EMP2: variants seen among roughly 807,000 people sequenced by gnomAD.
The protein encoded by EMP2 is epithelial membrane protein 2.
EMP2 carries 19 observed loss-of-function variants against 13.7 expected under a neutral mutation model. The observed-to-expected ratio is 1.38, with a 90% confidence interval of 0.97 to 2.03. The LOEUF is 2.03. Among genes scored for constraint, EMP2 ranks in the 30% most tolerant of loss-of-function variants. The probability of loss-of-function intolerance (pLI) is 0.00; values close to 1 mark genes in which losing one functional copy is unlikely to be tolerated. For synonymous variants in EMP2, 97 were observed against 84.7 expected (o/e 1.15, Z -0.80); for missense variants, 253 against 220.7 (o/e 1.15, Z -0.93).
intron 1 of EMP2, among the ~76,000 whole-genome samples, chr16:10,574,343 C>T (rs946581940): frequency 2.6e-5 from 4 of 152,138 alleles, no homozygotes; most frequent in African/African-American, 9.7e-5. Flanking sequence ...ATTGGATATT[C>T]TATTCCAATA....
chr16:10,532,938 G>A lies in EMP2; in HGVS notation c.471C>T (p.Gly157=), dbSNP rs772359169. 5.6e-6 allele frequency: 9 copies of A among 1,601,142 alleles called. No homozygotes were observed. The South Asian group carries it at 9.0e-5, about 16-fold the overall frequency. ...GCTTCCTCAGTATCAGGTACATCATGCCGCTGATGAAGGTGCAGGCGAAGG... is the reference window on the plus strand; with the variant it reads ...GCTTCCTCAGTATCAGGTACATCATACCGCTGATGAAGGTGCAGGCGAAGG... ...WVAFACTFIS[G]MMYLILRKRK The change falls in exon 5 of 5, where the codon GGC becomes GGT. Residue 157 remains glycine, a synonymous_variant. Coordinates refer to ENST00000359543, the MANE Select transcript of EMP2 (RefSeq NM_001424.6).
intron 1 of EMP2, among the ~76,000 whole-genome samples, chr16:10,563,187 A>T (rs970989874): frequency 2.6e-5 from 2 of 77,696 alleles, no homozygotes; most frequent in South Asian, 2.5e-4. Context: ...TTTCCTCTTT[A>T]TTATTATTAT....
chr16:10,573,523 T>C (rs556736403), intron 1 of EMP2, among the ~76,000 whole-genome samples: 10 of 152,198 alleles, frequency 6.6e-5, no homozygotes, highest in Non-Finnish European at 1.5e-4. Context: ...GGTCCATCCA[T>C]GGAGTCTCTG....
rs1361953169 is a variant in EMP2 at position 10,532,766 on chromosome 16, T to C, written c.*139A>G. On this transcript the variant is annotated 3_prime_UTR_variant, in exon 5 of 5. Transcript: ENST00000359543. ...TTTTTTTTTTCTTTTTTCTTTTTTT[T>C]TTTTTTTTTTTTTTTTTTTTGGCTT... 190 of 266,146 alleles carry C rather than the reference T, an allele frequency of 7.1e-4. 20 individuals carry two copies. Among genetic ancestry groups the C allele is most frequent in the African/African-American group, 4.1e-3 (143 of 34,798 alleles). 16.5% of individuals were successfully genotyped at this position (266,146 alleles called of 1,614,324 possible).
At chr16:10,558,010 TTG>T (rs1194057690) in intron 1 of EMP2, among the ~76,000 whole-genome samples, 1 of 151,050 alleles carries the variant, frequency 6.6e-6, no homozygotes, top group Non-Finnish European at 1.5e-5. Flanking sequence ...AGTGGAACAT[TTG>T]TGGCTCAGTG....
At chr16:10,560,337 G>A (rs1332914982) in intron 1 of EMP2, among the ~76,000 whole-genome samples, 3 of 152,152 alleles carry the variant, frequency 2.0e-5, no homozygotes, top group South Asian at 2.1e-4. Flanking sequence ...TCTTCCCACC[G>A]CCGCACGCAG....
In EMP2 at chr16:10,532,836, GATT is replaced by G; in HGVS notation, c.*66_*68del. 1 of 920,234 alleles carries G rather than the reference GATT, an allele frequency of 1.1e-6. No homozygotes were observed. The highest frequency in any genetic ancestry group is 1.3e-6 in the Non-Finnish European group (1 of 755,360). The allele number at this position is 920,234 out of a possible 1,614,324, so 57.0% of individuals were successfully genotyped here. On this transcript the variant is annotated 3_prime_UTR_variant, in exon 5 of 5. Transcript: ENST00000359543. The stretch of plus-strand genomic sequence containing the variant: ...TGCTAGAAAAACCTCAAAAAATAAT[GATT>G]ATATACAAAATGGTTATCTGAATGT...
intron 1 of EMP2, among the ~76,000 whole-genome samples, chr16:10,571,255 CAAAAAAAAAAA>C (rs58665715): frequency 2.6e-3 from 87 of 33,430 alleles, no homozygotes; most frequent in African/African-American, 6.6e-3. Context: ...GACTCCGTCT[CAAAAAAAAAAA>C]AAAAAAAAAA....
At chr16:10,571,858 G>T (rs1489263644) in intron 1 of EMP2, among the ~76,000 whole-genome samples, 1 of 152,212 alleles carries the variant, frequency 6.6e-6, no homozygotes, top group Non-Finnish European at 1.5e-5. Flanking sequence ...AGTGATGGGC[G>T]GTAGTGGTGT....
intron 1 of EMP2, among the ~76,000 whole-genome samples, chr16:10,578,577 C>T (rs1233664494): frequency 6.6e-6 from 1 of 152,226 alleles, no homozygotes; most frequent in Non-Finnish European, 1.5e-5. Flanking sequence ...GCAGTGTCAG[C>T]CCCAAGCCTC....
chr16:10,579,708 G>GCACACACA (rs71133370), intron 1 of EMP2, among the ~76,000 whole-genome samples: 16,158 of 146,640 alleles, frequency 0.11, 978 homozygotes, highest in South Asian at 0.13. Context: ...AGATCAAGGT[G>GCACACACA]CACACACACA....
chr16:10,562,948 C>T (rs1383985700), intron 1 of EMP2, among the ~76,000 whole-genome samples: 1 of 152,326 alleles, frequency 6.6e-6, no homozygotes, highest in African/African-American at 2.4e-5. Context: ...AGTAAAACCA[C>T]ACTGCAGCCC....
At chr16:10,550,724 C>T (rs1041553578) in intron 1 of EMP2, among the ~76,000 whole-genome samples, 2 of 152,136 alleles carry the variant, frequency 1.3e-5, no homozygotes, top group African/African-American at 4.8e-5. Context: ...CTTGTAATCC[C>T]GGCACTTTGG....
chr16:10,547,760 G>A, intron 1 of EMP2, 83 bp from the exon 2 acceptor site: 1 of 783,378 alleles, frequency 1.3e-6, no homozygotes, highest in East Asian at 2.8e-5. Flanking sequence ...TTTTAGCTGG[G>A]CGTGGTGGCT....
chr16:10,529,567 T>C lies in EMP2; in HGVS notation c.*3338A>G, dbSNP rs1289608845. On this transcript the variant is annotated 3_prime_UTR_variant, in exon 5 of 5. Transcript: ENST00000359543. ...GCCCCGACGTTTCTTGTGAAGGGAATTGATGTATTGCTTGAGGGGGTCGAT... is the reference window on the plus strand; with the variant it reads ...GCCCCGACGTTTCTTGTGAAGGGAACTGATGTATTGCTTGAGGGGGTCGAT... The C allele has an allele frequency of 2.6e-5, 4 of 152,148 alleles. No homozygotes were observed. In the East Asian group the frequency reaches 7.7e-4, roughly 29 times the overall value. 9.4% of individuals were successfully genotyped at this position (152,148 alleles called of 1,614,324 possible). A position where few individuals can be genotyped will look rare whatever the true frequency, so the allele number is the denominator to read the frequency against.
intron 2 of EMP2, chr16:10,546,574 T>G (rs950907902): frequency 6.6e-6 from 1 of 152,036 alleles, no homozygotes; most frequent in African/African-American, 2.4e-5. Context: ...GGGACCCTGG[T>G]TGATAAGGAG....
chr16:10,537,760 CCACACACACACACA>C (rs34979037), intron 4 of EMP2, among the ~76,000 whole-genome samples, 154 bp downstream of exon 4: 1 of 149,174 alleles, frequency 6.7e-6, no homozygotes, highest in Non-Finnish European at 1.5e-5. Flanking sequence ...ATGCATGCGC[CCACACACACACACA>C]CACACACGCA....
chr16:10,579,846 T>C (rs1366919895), intron 1 of EMP2, among the ~76,000 whole-genome samples: 2 of 152,034 alleles, frequency 1.3e-5, no homozygotes, highest in Non-Finnish European at 2.9e-5. Context: ...CAGCCCCACA[T>C]CTTCACCTAA....
intron 1 of EMP2, among the ~76,000 whole-genome samples, chr16:10,572,053 A>G (rs566412322): frequency 1.4e-4 from 21 of 152,270 alleles, no homozygotes; most frequent in African/African-American, 5.1e-4. Flanking sequence ...ACATCATATC[A>G]CCTGATGATC....
Sources: gnomAD v4.1 joint callset for allele counts (sites outside exome capture counted in the v4.1 genomes callset) on GRCh38, gnomAD v4.1.1 for gene constraint, MANE v1.5 for transcripts, NCBI Gene and HGNC (gene_info 2026-07-23, HGNC 2026-07-21) for gene names.